The following TAF13 variants were observed in gnomAD, a reference collection of about 807,000 sequenced individuals.
TAF13 encodes TATA-box binding protein associated factor 13.
Under a neutral mutation model 18.7 loss-of-function variants are expected in TAF13, and 9 were observed. The ratio of observed to expected loss-of-function variants is 0.48; its 90% CI spans 0.29 to 0.84. TAF13 has a LOEUF of 0.84. Among genes scored for constraint, TAF13 ranks in the 40% least tolerant of loss-of-function variants. The pLI is 0.08. For synonymous variants in TAF13, 49 were observed against 44.1 expected (o/e 1.11, Z -0.44); for missense variants, 105 against 146.5 (o/e 0.72, Z 1.46).
At chr1:109,068,906 G>A (rs967596154) in intron 2 of TAF13, among the ~76,000 whole-genome samples, 3 of 152,178 alleles carry the variant, frequency 2.0e-5, no homozygotes, top group Non-Finnish European at 4.4e-5. Context: ...GGAGGCTGAG[G>A]CAGGAGAATA....
chr1:109,074,639 G>A (rs761435513), intron 2 of TAF13, among the ~76,000 whole-genome samples: 1 of 152,138 alleles, frequency 6.6e-6, no homozygotes, highest in Non-Finnish European at 1.5e-5. Flanking sequence ...AATTAGGTGG[G>A]CGTGGTGGCC....
chr1:109,067,587 G>A (rs1477771325), intron 2 of TAF13, among the ~76,000 whole-genome samples: 3 of 152,162 alleles, frequency 2.0e-5, no homozygotes, highest in Admixed American at 6.5e-5. Flanking sequence ...TCCAGCCTGG[G>A]TGACAGAGGG....
In TAF13 at chr1:109,065,546, G is replaced by GA. The variant is rs36042268; in HGVS notation, c.204+588dup. On this transcript the variant is annotated intron_variant, in intron 3 of 3. Transcript: ENST00000338366. The stretch of plus-strand genomic sequence containing the variant: ...ATCTTTAAATACTGGAAAAGGAGGG[G>GA]AAAAAAAAAAACCTATGTTGGATAA... 9.0e-4 allele frequency among the ~76,000 whole-genome samples: 129 copies of GA among 143,418 alleles called. 1 individual carries two copies. The highest frequency in any genetic ancestry group is 2.2e-3 in the African/African-American group (86 of 39,192). The allele number at this position is 143,418 out of a possible 152,430, so 94.1% of individuals were successfully genotyped here. A position where few individuals can be genotyped will look rare whatever the true frequency, so the allele number is the denominator to read the frequency against.
chr1:109,072,001 TATATATATATATA>T (rs1664071932), intron 2 of TAF13, among the ~76,000 whole-genome samples: 1 of 2,484 alleles, frequency 4.0e-4, no homozygotes, highest in Non-Finnish European at 1.1e-3. Context: ...TATATATATA[TATATATATATATA>T]CACACACATA....
chr1:109,072,117 C>T (rs71514050), intron 2 of TAF13, among the ~76,000 whole-genome samples: 4 of 4,484 alleles, frequency 8.9e-4, no homozygotes, highest in African/African-American at 3.6e-3. Context: ...TATATATATA[C>T]ACACATATAT....
chr1:109,074,996 A>G lies in TAF13; in HGVS notation c.97T>C (p.Ser33Pro), dbSNP rs761077459. ...GTCAAATACTACTTACATTCTTTAG[A>G]AAAAAGTCTCTTTCTTTTACCCTGT... ...GGQGKRKRLF[S>P]KELRCMMYGF... The change falls in exon 2 of 4, where the codon TCT becomes CCT. Residue 33 changes from serine (S) to proline (P), a missense_variant. Coordinates refer to ENST00000338366, the MANE Select transcript of TAF13 (RefSeq NM_005645.4). The G allele has an allele frequency of 3.1e-6, 5 of 1,596,262 alleles. No homozygotes were observed. Among genetic ancestry groups the G allele is most frequent in the Non-Finnish European group, 4.3e-6 (5 of 1,175,712 alleles).
At chr1:109,066,624 G>A (rs1326808853) in intron 2 of TAF13, among the ~76,000 whole-genome samples, 1 of 152,210 alleles carries the variant, frequency 6.6e-6, no homozygotes, top group Non-Finnish European at 1.5e-5. Flanking sequence ...GGGCATGGCA[G>A]TGGGGCGTTG....
chr1:109,064,709 A>G lies in TAF13; in HGVS notation c.205-16T>C. On this transcript the variant is annotated splice_polypyrimidine_tract_variant and intron_variant, in intron 3 of 3. Transcript: ENST00000338366. The stretch of plus-strand genomic sequence containing the variant: ...CCTTGTGAGTCTATTACAAAGAAAC[A>G]TATTACATTTAACTTTTTTAAATCT... The G allele has an allele frequency of 2.1e-6, 3 of 1,423,356 alleles. No homozygotes were observed. The highest frequency in any genetic ancestry group is 2.8e-6 in the Non-Finnish European group (3 of 1,081,090). 88.2% of individuals were successfully genotyped at this position (1,423,356 alleles called of 1,614,324 possible).
Position 109,075,927 on chromosome 1 carries a change from G to T in TAF13, c.21C>A (p.Asp7Glu), listed in dbSNP as rs988216672. MADEEE[D>E]PTFEEENEEI... The stretch of plus-strand genomic sequence containing the variant: ...GACAGAGACGGTCACTCACCGTGGG[G>T]TCTTCTTCCTCATCTGCCATCCCAC... Residue 7 changes from aspartate to glutamate, a missense_variant, in exon 1 of 4, where the codon GAC (aspartate) becomes GAA (glutamate). Coordinates refer to ENST00000338366, the MANE Select transcript of TAF13 (RefSeq NM_005645.4). 2 of 1,614,096 alleles carry T rather than the reference G, an allele frequency of 1.2e-6. No individual in the cohort carries two copies. Among genetic ancestry groups the T allele is most frequent in the Non-Finnish European group, 1.7e-6 (2 of 1,180,030 alleles).
At chr1:109,074,267 T>C (rs909210351) in intron 2 of TAF13, among the ~76,000 whole-genome samples, 16 of 152,230 alleles carry the variant, frequency 1.1e-4, no homozygotes, top group African/African-American at 3.9e-4. Flanking sequence ...TATTAATCTA[T>C]AACCTTACCC....
intron 2 of TAF13, among the ~76,000 whole-genome samples, chr1:109,073,987 G>A (rs553503304): frequency 2.0e-4 from 30 of 151,900 alleles, no homozygotes; most frequent in African/African-American, 7.0e-4. Flanking sequence ...CCACGACCCC[G>A]TCTGGGAACT....
In TAF13 at chr1:109,064,233, C is replaced by T. The variant is rs1663911919; in HGVS notation, c.*290G>A. The T allele has an allele frequency of 1.3e-5, 2 of 150,226 alleles. No homozygotes were observed. The highest frequency in any genetic ancestry group is 7.0e-5 in the Admixed American group (1 of 14,242). The allele number at this position is 150,226 out of a possible 1,614,324, so 9.3% of individuals were successfully genotyped here. On this transcript the variant is annotated 3_prime_UTR_variant, in exon 4 of 4. Coordinates refer to ENST00000338366, the MANE Select transcript of TAF13 (RefSeq NM_005645.4). ...AACATACCTAACACATTAAATACTA[C>T]TTTATCCTTTAAATAGTCAAAAGTC...
chr1:109,069,254 T>C (rs1664009386), intron 2 of TAF13, among the ~76,000 whole-genome samples: 1 of 152,142 alleles, frequency 6.6e-6, no homozygotes, highest in African/African-American at 2.4e-5. Context: ...TTAGTATCCT[T>C]GGGAGCTTGG....
intron 2 of TAF13, 44 bp downstream of exon 2, chr1:109,074,943 A>G: frequency 6.8e-7 from 1 of 1,479,482 alleles, no homozygotes; most frequent in Non-Finnish European, 9.3e-7. Flanking sequence ...CATGTCCAAA[A>G]GTTTTCATCA....
Position 109,066,238 on chromosome 1 carries a change from A to G in TAF13, c.107-6T>C, listed in dbSNP as rs1177130278. On this transcript the variant is annotated splice_region_variant and splice_polypyrimidine_tract_variant and intron_variant, in intron 2 of 3. Coordinates refer to ENST00000338366, the MANE Select transcript of TAF13 (RefSeq NM_005645.4). ...GCCATACATCATACATCGCACTGTA[A>G]AAGAACAATCACTTACTTTTGTTTA... is the stretch of plus-strand genomic sequence containing the variant. 6.3e-7 allele frequency: 1 copy of G among 1,582,474 alleles called. No individual in the cohort carries two copies. The highest frequency in any genetic ancestry group is 2.3e-5 in the East Asian group (1 of 44,160).
intron 2 of TAF13, among the ~76,000 whole-genome samples, chr1:109,067,400 A>T (rs1663969147): frequency 6.6e-6 from 1 of 151,880 alleles, no homozygotes; most frequent in South Asian, 2.1e-4. Flanking sequence ...GAAGTTTGAG[A>T]TCAGCCTGGC....
intron 3 of TAF13, among the ~76,000 whole-genome samples, chr1:109,065,807 A>G (rs1439472297): frequency 6.6e-6 from 1 of 151,882 alleles, no homozygotes; most frequent in African/African-American, 2.4e-5. Context: ...CTGTAATCCC[A>G]GCTCCTCGGA....
chr1:109,075,080 G>A lies in TAF13; in HGVS notation c.28-15C>T, dbSNP rs1664157709. 1.9e-6 allele frequency: 3 copies of A among 1,579,652 alleles called. No homozygotes were observed. The highest frequency in any genetic ancestry group is 1.9e-5 in the Admixed American group (1 of 54,040). Reference sequence around the variant, plus strand: ...TCTTCCTCAAACTAGAAGTTAAAATGTATATATAGAAATGTCAAATAATTG... The same window carrying A: ...TCTTCCTCAAACTAGAAGTTAAAATATATATATAGAAATGTCAAATAATTG... On this transcript the variant is annotated splice_polypyrimidine_tract_variant and intron_variant, in intron 1 of 3. Transcript: ENST00000338366.
chr1:109,075,980 G>T lies in TAF13; in HGVS notation c.-33C>A, dbSNP rs555089972. On this transcript the variant is annotated 5_prime_UTR_variant, in exon 1 of 4. Coordinates refer to ENST00000338366, the MANE Select transcript of TAF13 (RefSeq NM_005645.4). ...GCACGCCAACTCACAGCGTCCTGCCGGCTGGCTCCCAGCTGGTTACACTAC... is the reference window on the plus strand; with the variant it reads ...GCACGCCAACTCACAGCGTCCTGCCTGCTGGCTCCCAGCTGGTTACACTAC... 1.8e-5 allele frequency: 29 copies of T among 1,614,042 alleles called. No homozygotes were observed. The South Asian group carries it at 2.6e-4, about 15-fold the overall frequency.
Sources: gnomAD v4.1 joint callset for allele counts (sites outside exome capture counted in the v4.1 genomes callset) on GRCh38, gnomAD v4.1.1 for gene constraint, MANE v1.5 for transcripts, NCBI Gene and HGNC (gene_info 2026-07-23, HGNC 2026-07-21) for gene names.